Variants in MAB21L4 observed in about 807,000 individuals in gnomAD.
MAB21L4 encodes the protein mab-21 like 4, also known as protein mab-21-like 4.
Under a neutral mutation model 32.4 loss-of-function variants are expected in MAB21L4, and 25 were observed. The observed-to-expected ratio is 0.77, with a 90% CI of 0.56 to 1.08. MAB21L4 has a LOEUF of 1.08. Ranked by LOEUF, MAB21L4 falls within the 50% of genes least tolerant of loss-of-function variation. MAB21L4 has a pLI of 0.00. For missense variants in MAB21L4, 638 were observed against 611.0 expected (o/e 1.04, Z -0.47); for synonymous variants, 280 against 276.8 (o/e 1.01, Z -0.11).
In MAB21L4 at chr2:240,891,560, G is replaced by A. The variant is rs760064117; in HGVS notation, c.718C>T (p.Pro240Ser). 1.2e-6 allele frequency: 2 copies of A among 1,610,366 alleles called. No homozygotes were observed. Among genetic ancestry groups the A allele is most frequent in the Non-Finnish European group, 1.7e-6 (2 of 1,179,588 alleles). ...TACCTCCAGAGCTGGGCGCTGGCCG[G>A]CACCAGGTCCACCCCTTGGCTGAGG... ...RILSQGVDLV[P>S]ASAQLWRTST... is the part of the protein sequence containing the mutation. Residue 240 changes from proline to serine, a missense_variant, in exon 2 of 5, where the codon CCG (proline) becomes TCG (serine). Transcript: ENST00000388934.
rs1428936845 is a variant in MAB21L4, at chr2:240,887,013, G to T, written c.*57C>A. On this transcript the variant is annotated 3_prime_UTR_variant, in exon 5 of 5. Transcript: ENST00000388934. ...AAACATCCCAGGAGCCTCCCATGGT[G>T]CAGTGCAGAGTCTGTTGGGGAGCCA... is the stretch of plus-strand genomic sequence containing the variant. 1.5e-6 allele frequency: 2 copies of T among 1,308,964 alleles called. No individual in the cohort carries two copies. Among genetic ancestry groups the T allele is most frequent in the East Asian group, 2.3e-5 (1 of 43,234 alleles). 81.1% of individuals were successfully genotyped at this position (1,308,964 alleles called of 1,614,324 possible).
At chr2:240,891,966 T>C (rs554554010) in intron 1 of MAB21L4, 2 of 1,548,298 alleles carry the variant, frequency 1.3e-6, no homozygotes, top group Admixed American at 3.8e-5. Flanking sequence ...AGTGAGGAGC[T>C]GGCCACCATG....
At chr2:240,889,111 T>C (rs6711998) in intron 3 of MAB21L4, among the ~76,000 whole-genome samples, 81,928 of 151,866 alleles carry the variant, frequency 0.54, 23,255 homozygotes, top group African/African-American at 0.73. Flanking sequence ...CCTGCGGCCG[T>C]TCCAGACACC....
intron 2 of MAB21L4, 76 bp downstream of exon 2, chr2:240,891,462 G>T (rs1281596597): frequency 6.6e-6 from 9 of 1,360,930 alleles, no homozygotes; most frequent in African/African-American, 2.9e-5. Flanking sequence ...TCCTGGCTGG[G>T]GCCAGGGGAG....
At chr2:240,887,744 T>C (rs2059107878) in intron 4 of MAB21L4, among the ~76,000 whole-genome samples, 1 of 152,084 alleles carries the variant, frequency 6.6e-6, no homozygotes, top group South Asian at 2.1e-4. Context: ...GGCCGGGCCC[T>C]GGGCGAGGAG....
At chr2:240,896,734 C>G (rs2106442659), upstream of MAB21L4, 1 of 152,632 alleles carries the variant, frequency 6.6e-6, no homozygotes, top group South Asian at 2.1e-4. Context: ...GGGCCCTGGA[C>G]CCCTGGGCTA....
chr2:240,886,887 G>A lies in MAB21L4; in HGVS notation c.*183C>T. The A allele has an allele frequency of 1.8e-6, 1 of 561,968 alleles. No individual in the cohort carries two copies. Among genetic ancestry groups the A allele is most frequent in the South Asian group, 2.4e-5 (1 of 41,604 alleles). The allele number at this position is 561,968 out of a possible 1,614,324, so 34.8% of individuals were successfully genotyped here. ...GACCCAGGGAGGAGGTGCTCCAAGA[G>A]GCCTGCCCTGCCCCACCAGGCACTG... On this transcript the variant is annotated 3_prime_UTR_variant, in exon 5 of 5. Coordinates refer to ENST00000388934, the MANE Select transcript of MAB21L4 (RefSeq NM_001085437.3).
rs750649606 is a variant in MAB21L4 at position 240,888,505 on chromosome 2, G to A, written c.1038C>T (p.Asn346=). Reference sequence around the variant, plus strand: ...GGTCCAGGCCGCTGCCCTGCAGCAGGTTGCGCTGCGGGTGGAGGAAGTGGG... The same window carrying A: ...GGTCCAGGCCGCTGCCCTGCAGCAGATTGCGCTGCGGGTGGAGGAAGTGGG... ...KLPHFLHPQR[N]LLQGSGLDLG... The change falls in exon 4 of 5, where the codon AAC becomes AAT. Residue 346 remains asparagine (N), a synonymous_variant. Coordinates refer to ENST00000388934, the MANE Select transcript of MAB21L4 (RefSeq NM_001085437.3). The A allele has an allele frequency of 2.0e-5, 32 of 1,606,730 alleles. No homozygotes were observed. The highest frequency in any genetic ancestry group is 2.6e-5 in the Non-Finnish European group (31 of 1,179,002).
Position 240,886,801 on chromosome 2 carries a change from A to G in MAB21L4, c.*269T>C. On this transcript the variant is annotated 3_prime_UTR_variant, in exon 5 of 5. Transcript: ENST00000388934. ...TCCTGCCGATGCTGTTTGCTTGACA[A>G]CACCACGTGGCTGGGTCAACATGCA... The G allele has an allele frequency of 2.2e-6, 1 of 454,402 alleles. No individual in the cohort carries two copies. Among genetic ancestry groups the G allele is most frequent in the Admixed American group, 3.8e-5 (1 of 26,240 alleles). 28.1% of individuals were successfully genotyped at this position (454,402 alleles called of 1,614,324 possible).
chr2:240,895,984 G>A lies in MAB21L4; in HGVS notation c.14C>T (p.Ala5Val). The stretch of plus-strand genomic sequence containing the variant: ...CACGGCCATGGCTGAGGTGGGGAGA[G>A]CAGGGGCAGGCATCCCTTCAACAGT... MPAP[A>V]LPTSAMAVQV... The change falls in exon 1 of 5, where the codon GCT (alanine) becomes GTT (valine). Residue 5 changes from alanine to valine, a missense_variant. Ala to Val is a moderately conservative substitution (Grantham distance 64, BLOSUM62 0). Transcript: ENST00000388934. 1.4e-6 allele frequency: 2 copies of A among 1,454,932 alleles called. No homozygotes were observed. Among genetic ancestry groups the A allele is most frequent in the Non-Finnish European group, 1.8e-6 (2 of 1,109,010 alleles). The allele number at this position is 1,454,932 out of a possible 1,614,324, so 90.1% of individuals were successfully genotyped here. A position where few individuals can be genotyped will look rare whatever the true frequency, so the allele number is the denominator to read the frequency against.
chr2:240,888,243 C>A, intron 4 of MAB21L4, 49 bp downstream of exon 4: 1 of 1,424,080 alleles, frequency 7.0e-7, no homozygotes, highest in Non-Finnish European at 9.4e-7. Flanking sequence ...CTCCATTCCA[C>A]CCTCCCATGC....
chr2:240,895,817 A>G lies in MAB21L4; in HGVS notation c.181T>C (p.Tyr61His). The change falls in exon 1 of 5, where the codon TAC becomes CAC. Residue 61 changes from tyrosine (Y) to histidine (H), a missense_variant. Coordinates refer to ENST00000388934, the MANE Select transcript of MAB21L4 (RefSeq NM_001085437.3). ...HALDPRFIVD[Y>H]SRGLEAFQFA... ...TGGAAGGCCTCCAGGCCACGGGAGTAGTCCACGATGAAGCGGGGGTCCAGG... is the reference window on the plus strand; with the variant it reads ...TGGAAGGCCTCCAGGCCACGGGAGTGGTCCACGATGAAGCGGGGGTCCAGG... 6.3e-7 allele frequency: 1 copy of G among 1,594,638 alleles called. No individual in the cohort carries two copies. The highest frequency in any genetic ancestry group is 8.6e-7 in the Non-Finnish European group (1 of 1,168,048).
At chr2:240,888,788 C>A in intron 3 of MAB21L4, 140 bp from the exon 4 acceptor site, 2 of 574,738 alleles carry the variant, frequency 3.5e-6, no homozygotes, top group Non-Finnish European at 5.6e-6. Context: ...CTCCCCTCCA[C>A]GTCCCAGTCG....
intron 2 of MAB21L4, among the ~76,000 whole-genome samples, chr2:240,891,322 G>C (rs1347913705): frequency 1.3e-5 from 2 of 152,206 alleles, no homozygotes; most frequent in Non-Finnish European, 2.9e-5. Context: ...CCCAGTGTCA[G>C]ATGCCACCAG....
At chr2:240,892,136 C>A in intron 1 of MAB21L4, 1 of 1,186,418 alleles carries the variant, frequency 8.4e-7, no homozygotes, top group Non-Finnish European at 1.1e-6. Context: ...CCTTCCTGAG[C>A]CTGCTCACTC....
intron 4 of MAB21L4, 67 bp downstream of exon 4, chr2:240,888,225 G>C: frequency 7.7e-7 from 1 of 1,295,036 alleles, no homozygotes; most frequent in Middle Eastern, 2.8e-4. Flanking sequence ...CAGGGAGCCA[G>C]GCCAGGGCTC....
At chr2:240,891,879 C>A (rs6709469) in intron 1 of MAB21L4, 116 bp from the exon 2 acceptor site, 3 of 1,577,134 alleles carry the variant, frequency 1.9e-6, no homozygotes, top group Admixed American at 1.8e-5. Flanking sequence ...TCACCTGCAG[C>A]CCTCTCTGCT....
chr2:240,887,401 C>T (rs2059105182), intron 4 of MAB21L4, among the ~76,000 whole-genome samples: 2 of 152,372 alleles, frequency 1.3e-5, no homozygotes, highest in South Asian at 4.1e-4. Flanking sequence ...AGGAGGAGGC[C>T]CCACACGGTG....
Position 240,888,443 on chromosome 2 carries a change from C to T in MAB21L4, c.1100G>A (p.Ser367Asn). 6.4e-7 allele frequency: 1 copy of T among 1,569,014 alleles called. No homozygotes were observed. Among genetic ancestry groups the T allele is most frequent in the Non-Finnish European group, 8.6e-7 (1 of 1,160,150 alleles). ...AIYQRVEGFA[S>N]QPEAALRIHA... Reference sequence around the variant, plus strand: ...GATGCGCAGGGCCGCCTCGGGCTGGCTGGCGAAGCCCTCCACGCGCTGGTA... The same window carrying T: ...GATGCGCAGGGCCGCCTCGGGCTGGTTGGCGAAGCCCTCCACGCGCTGGTA... The change falls in exon 4 of 5, where the codon AGC becomes AAC. Residue 367 changes from serine (S) to asparagine (N), a missense_variant. Transcript: ENST00000388934.
Sources: allele counts gnomAD v4.1 joint callset (sites outside exome capture counted in the v4.1 genomes callset), GRCh38; gene constraint gnomAD v4.1.1; transcripts MANE v1.5; gene names NCBI Gene and HGNC (gene_info 2026-07-23, HGNC 2026-07-21).